The following SHANK1 variants were observed in gnomAD, a reference collection of about 807,000 sequenced individuals.
The protein encoded by SHANK1 is SH3 and multiple ankyrin repeat domains 1, also known as SH3 and multiple ankyrin repeat domains protein 1.
A neutral mutation model predicts 165.6 loss-of-function variants in SHANK1; 35 were observed. The observed-to-expected ratio is 0.21, with a 90% confidence interval of 0.16 to 0.28. The LOEUF (loss-of-function observed/expected upper bound fraction) is 0.28, where lower values mean the gene tolerates loss of function less well. Among genes scored for constraint, SHANK1 ranks in the 10% least tolerant of loss-of-function variants. The probability of loss-of-function intolerance (pLI) is 1.00; values close to 1 mark genes in which losing one functional copy is unlikely to be tolerated. For synonymous variants in SHANK1, 1,428 were observed against 1,384.8 expected, an observed-to-expected ratio of 1.03 and a Z score of -0.69; for missense variants, 2,681 against 3,036.4, an observed-to-expected ratio of 0.88 and a Z score of 2.75.
intron 15 of SHANK1, among the ~76,000 whole-genome samples, chr19:50,696,192 C>A (rs1986734311): frequency 6.6e-6 from 1 of 152,184 alleles, no homozygotes; most frequent in African/African-American, 2.4e-5. Context: ...GTGACCCCCA[C>A]AGACGGAGGC....
In SHANK1 at chr19:50,668,000, G is replaced by A. The variant is rs2123080474; in HGVS notation, c.3960C>T (p.Tyr1320=). The change falls in exon 23 of 24, where the codon TAC becomes TAT. Residue 1320 remains tyrosine, a synonymous_variant. Transcript: ENST00000293441. The surrounding 1 kb of genome is among the most constrained non-coding windows in gnomAD (Gnocchi z 5.7). The stretch of plus-strand genomic sequence containing the variant: ...AGGCGCTGCTGCCCCCGCCACCCCC[G>A]TAGGCTCGGCTACCGGCCCCGTAGC... ...YGGYGAGSRA[Y]GGGGGSSAFT... The A allele has an allele frequency of 6.8e-7, 1 of 1,472,772 alleles. No homozygotes were observed. Among genetic ancestry groups the A allele is most frequent in the South Asian group, 1.3e-5 (1 of 78,010 alleles). The allele number at this position is 1,472,772 out of a possible 1,614,324, so 91.2% of individuals were successfully genotyped here.
rs2089096211 is a variant in SHANK1, at chr19:50,718,653, G to A, written c.-44+753C>T. Among the ~76,000 whole-genome samples, 1 of 152,014 alleles carries A rather than the reference G, an allele frequency of 6.6e-6. No homozygotes were observed. The highest frequency in any genetic ancestry group is 1.5e-5 in the Non-Finnish European group (1 of 67,922). ...GGGTGGTGGAGGACGCGAGAGAGGG[G>A]GTGCCCTGGGAGGCTGTGGGGGGAC... On this transcript the variant is annotated intron_variant, in intron 1 of 23. Transcript: ENST00000293441. The surrounding 1 kb of genome is among the most constrained non-coding windows in gnomAD (Gnocchi z 5.1).
rs2089094072 is a variant in SHANK1, at chr19:50,718,476, C to T, written c.-44+930G>A. ...AGGGCCCCCCGCGCGTACGGCTGCC[C>T]CAGCCCCCCCGGGCCGGCTCCGGCC... On this transcript the variant is annotated intron_variant, in intron 1 of 23. Coordinates refer to ENST00000293441, the MANE Select transcript of SHANK1 (RefSeq NM_016148.5). The surrounding 1 kb of genome is among the most constrained non-coding windows in gnomAD (Gnocchi z 5.1). Among the ~76,000 whole-genome samples, 1 of 152,058 alleles carries T rather than the reference C, an allele frequency of 6.6e-6. No homozygotes were observed. Among genetic ancestry groups the T allele is most frequent in the South Asian group, 2.1e-4 (1 of 4,830 alleles).
At chr19:50,676,640 T>C (rs4801847) in intron 21 of SHANK1, among the ~76,000 whole-genome samples, 84,174 of 152,024 alleles carry the variant, frequency 0.55, 23,852 homozygotes, top group African/African-American at 0.66. Flanking sequence ...TCATAACTCC[T>C]TTAACTGATG....
rs1985140372 is a variant in SHANK1, at chr19:50,660,132, G to A, written c.*1833C>T. Among the ~76,000 whole-genome samples, 1 of 150,426 alleles carries A rather than the reference G, an allele frequency of 6.6e-6. No homozygotes were observed. Among genetic ancestry groups the A allele is most frequent in the African/African-American group, 2.5e-5 (1 of 40,736 alleles). ...GCAGCTGAACATGGGGGGGGGACCT[G>A]AGGGCAACGCCCTCCCCCCTTTACC... On this transcript the variant is annotated 3_prime_UTR_variant, in exon 24 of 24. Coordinates refer to ENST00000293441, the MANE Select transcript of SHANK1 (RefSeq NM_016148.5).
chr19:50,660,214 G>A lies in SHANK1; in HGVS notation c.*1751C>T, dbSNP rs560441748. Among the ~76,000 whole-genome samples the A allele has an allele frequency of 1.3e-4, 9 of 68,520 alleles. No homozygotes were observed. The highest frequency in any genetic ancestry group is 6.8e-4 in the Admixed American group (3 of 4,412). The allele number at this position is 68,520 out of a possible 152,430, so 45.0% of individuals were successfully genotyped here. A position where few individuals can be genotyped will look rare whatever the true frequency, so the allele number is the denominator to read the frequency against. ...GGGTGGCTTAACATTCCCAAGCCCC[G>A]GGAATAAGCGGAGAGAGGAAGCGTG... On this transcript the variant is annotated 3_prime_UTR_variant, in exon 24 of 24. Transcript: ENST00000293441.
rs199791438 is a variant in SHANK1 at position 50,711,449 on chromosome 19, C to T, written c.999G>A (p.Leu333=). 11 of 1,568,268 alleles carry T rather than the reference C, an allele frequency of 7.0e-6. No homozygotes were observed. The highest frequency in any genetic ancestry group is 8.6e-6 in the Non-Finnish European group (10 of 1,156,846). The change falls in exon 8 of 24, where the codon CTG becomes CTA. Residue 333 remains leucine, a synonymous_variant. Transcript: ENST00000293441. ...CTCCAGGCTCAGCCCCGTAGAAAAGCAGATGCTCCAGGTGCTGAGAGTGAC... is the reference window on the plus strand; with the variant it reads ...CTCCAGGCTCAGCCCCGTAGAAAAGTAGATGCTCCAGGTGCTGAGAGTGAC... ...QRGHSQHLEH[L]LFYGAEPGAQ...
chr19:50,712,180 T>C, intron 6 of SHANK1, 66 bp from the exon 7 acceptor site: 2 of 1,504,364 alleles, frequency 1.3e-6, no homozygotes, highest in Non-Finnish European at 1.8e-6. Flanking sequence ...CAGCTCATTC[T>C]GAAGGGCCAG....
At chr19:50,708,780 C>T (rs1408137251) in intron 8 of SHANK1, among the ~76,000 whole-genome samples, 4 of 152,216 alleles carry the variant, frequency 2.6e-5, no homozygotes, top group Non-Finnish European at 5.9e-5. Context: ...TTCATTCACT[C>T]ATTTTCATTC....
At chr19:50,715,877 G>T (rs1024070511) in intron 3 of SHANK1, 147 bp from the exon 4 acceptor site, 1 of 772,182 alleles carries the variant, frequency 1.3e-6, no homozygotes, top group Admixed American at 2.0e-5. Flanking sequence ...TGGAACCTTG[G>T]TCTAGGCGGT....
chr19:50,712,710 C>T (rs2089022410), intron 6 of SHANK1, among the ~76,000 whole-genome samples: 1 of 152,172 alleles, frequency 6.6e-6, no homozygotes, highest in African/African-American at 2.4e-5. Flanking sequence ...TGGCAGCAAC[C>T]TCGTGTGAGG....
chr19:50,705,059 T>G (rs1412014565), intron 8 of SHANK1, among the ~76,000 whole-genome samples: 1 of 149,716 alleles, frequency 6.7e-6, no homozygotes, highest in African/African-American at 2.5e-5. Flanking sequence ...AAAAAAAAAA[T>G]GTCAGGTGTG....
chr19:50,669,370 T>C, intron 22 of SHANK1, 85 bp from the exon 23 acceptor site: 3 of 885,692 alleles, frequency 3.4e-6, no homozygotes, highest in Non-Finnish European at 3.6e-6. Context: ...GCAACAATAC[T>C]AATGACAAGA....
At chr19:50,684,498 T>C (rs960500874) in intron 21 of SHANK1, among the ~76,000 whole-genome samples, 2 of 152,168 alleles carry the variant, frequency 1.3e-5, no homozygotes, top group African/African-American at 4.8e-5. Context: ...AGTGCTAGGA[T>C]TACAGGCGTG....
chr19:50,672,137 G>A, intron 21 of SHANK1, 23 bp from the exon 22 acceptor site: 1 of 1,581,536 alleles, frequency 6.3e-7, no homozygotes, highest in Non-Finnish European at 8.7e-7. Context: ...AGTCAGAGGG[G>A]GAGAGAGAGA....
At chr19:50,678,776 G>T (rs1453544411) in intron 21 of SHANK1, among the ~76,000 whole-genome samples, 1 of 69,318 alleles carries the variant, frequency 1.4e-5, no homozygotes. Context: ...AGGGTGATGG[G>T]GAGGGGTCAG....
In SHANK1 at chr19:50,688,056, C is replaced by G; in HGVS notation, c.2175G>C (p.Val725=). Reference sequence around the variant, plus strand: ...CGACCTTCACCACATTCTGCCCGTTCACCTGTGGCACAGACACCCCCAGAT... The same window carrying G: ...CGACCTTCACCACATTCTGCCCGTTGACCTGTGGCACAGACACCCCCAGAT... The part of the protein sequence containing the change: ...GLRMGDFLIE[V]NGQNVVKVGH... Residue 725 remains valine (V), a splice_region_variant and synonymous_variant, in exon 18 of 24, where the codon GTG becomes GTC. Transcript: ENST00000293441. This position sits in a 1 kb window ranked among gnomAD's most constrained non-coding sequence, Gnocchi z 6.7. 1 of 1,613,992 alleles carries G rather than the reference C, an allele frequency of 6.2e-7. No homozygotes were observed. The highest frequency in any genetic ancestry group is 2.2e-5 in the East Asian group (1 of 44,864).
Position 50,702,320 on chromosome 19 carries a change from C to T in SHANK1, c.1747+147G>A. On this transcript the variant is annotated intron_variant, in intron 12 of 23. Coordinates refer to ENST00000293441, the MANE Select transcript of SHANK1 (RefSeq NM_016148.5). This position sits in a 1 kb window ranked among gnomAD's most constrained non-coding sequence, Gnocchi z 5.3. Reference sequence around the variant, plus strand: ...GAGCTACACTCTATGGTCCTCCAAGCCTCAAGGGGTGTCCTGGGGCTCTCT... The same window carrying T: ...GAGCTACACTCTATGGTCCTCCAAGTCTCAAGGGGTGTCCTGGGGCTCTCT... 1.5e-6 allele frequency: 1 copy of T among 673,990 alleles called. No individual in the cohort carries two copies. The highest frequency in any genetic ancestry group is 2.5e-6 in the Non-Finnish European group (1 of 405,682). The allele number at this position is 673,990 out of a possible 1,614,324, so 41.8% of individuals were successfully genotyped here.
Position 50,667,145 on chromosome 19 carries a change from C to T in SHANK1, c.4815G>A (p.Val1605=), listed in dbSNP as rs908062144. The change falls in exon 23 of 24, where the codon GTG becomes GTA. Residue 1605 remains valine, a synonymous_variant. Coordinates refer to ENST00000293441, the MANE Select transcript of SHANK1 (RefSeq NM_016148.5). This position sits in a 1 kb window ranked among gnomAD's most constrained non-coding sequence, Gnocchi z 5.7. ...TPAPATPLPP[V]PPPAVAAAPP... ...GGGCTGCGGCCACAGCCGGGGGTGG[C>T]ACAGGGGGTAACGGGGTGGCAGGGG... The T allele has an allele frequency of 1.3e-6, 2 of 1,547,494 alleles. No homozygotes were observed. The highest frequency in any genetic ancestry group is 1.2e-5 in the South Asian group (1 of 85,486).
Sources: gnomAD v4.1 joint callset for allele counts (sites outside exome capture counted in the v4.1 genomes callset) on GRCh38, gnomAD v4.1.1 for gene constraint, Gnocchi (gnomAD v3.1) non-coding constraint, MANE v1.5 for transcripts, NCBI Gene and HGNC (gene_info 2026-07-23, HGNC 2026-07-21) for gene names.